Variants in LAMA1 observed in about 807,000 individuals in gnomAD.
LAMA1 encodes the protein laminin subunit alpha 1, also known as laminin subunit alpha-1.
LAMA1 carries 219 observed loss-of-function variants against 348.7 expected under a neutral mutation model. The ratio of observed to expected loss-of-function variants is 0.63; its 90% CI spans 0.56 to 0.70. The LOEUF is 0.70. Among genes scored for constraint, LAMA1 ranks in the 30% least tolerant of loss-of-function variants. LAMA1 has a pLI of 0.00. For missense variants in LAMA1, 3,744 were observed against 3,888.0 expected, an observed-to-expected ratio of 0.96 and a Z score of 0.99; for synonymous variants, 1,487 against 1,491.0, an observed-to-expected ratio of 1.00 and a Z score of 0.06.
intron 49 of LAMA1, chr18:6,965,671 G>A (rs7239613): frequency 0.046 from 24,701 of 541,662 alleles, 4,518 homozygotes; most frequent in African/African-American, 0.4. Context: ...AGTAAGAGAA[G>A]TGGAATCTCC....
chr18:7,072,224 G>A (rs898961), intron 3 of LAMA1, among the ~76,000 whole-genome samples: 3 of 152,038 alleles, frequency 2.0e-5, no homozygotes. Context: ...ATTAAGGCCT[G>A]GTTTAACATT....
chr18:7,078,413 G>T (rs1000214968), intron 3 of LAMA1, among the ~76,000 whole-genome samples: 1 of 151,632 alleles, frequency 6.6e-6, no homozygotes, highest in Admixed American at 6.6e-5. Flanking sequence ...TGATCCACCC[G>T]CCTTGGCCTC....
chr18:6,974,856 A>G, intron 46 of LAMA1, 47 bp downstream of exon 46: 2 of 1,610,810 alleles, frequency 1.2e-6, no homozygotes, highest in Non-Finnish European at 1.7e-6. Flanking sequence ...TACTTATGAG[A>G]CACACTTTAA....
chr18:6,982,444 C>A (rs538815), intron 41 of LAMA1, 53 bp downstream of exon 41: 2 of 1,449,268 alleles, frequency 1.4e-6, no homozygotes, highest in Admixed American at 1.7e-5. Context: ...GGCTGCTCAG[C>A]GAGACGCTCA....
At chr18:7,089,484 A>C (rs2058231112) in intron 1 of LAMA1, among the ~76,000 whole-genome samples, 1 of 152,210 alleles carries the variant, frequency 6.6e-6, no homozygotes, top group Non-Finnish European at 1.5e-5. Context: ...GATCCCGTGC[A>C]TCTCAGGAAC....
intron 43 of LAMA1, 46 bp downstream of exon 43, chr18:6,978,150 T>C (rs939601643): frequency 1.2e-6 from 2 of 1,610,630 alleles, no homozygotes; most frequent in African/African-American, 2.7e-5. Context: ...GCTCCACGTC[T>C]GCATGACGCA....
At chr18:6,969,247 G>A (rs951165801) in intron 48 of LAMA1, among the ~76,000 whole-genome samples, 6 of 151,830 alleles carry the variant, frequency 4.0e-5, no homozygotes, top group African/African-American at 7.3e-5. Context: ...GACTACAGGC[G>A]CACGCCACCA....
rs2057501663 is a variant in LAMA1, at chr18:6,942,214, G to A, written c.9093C>T (p.Arg3031=). The part of the protein sequence containing the change: ...YPAGVKQKCL[R]SQTSFRGCLR... ...AACACCCGCGGAACGAGGTCTGGCT[G>A]CGCAGGCATTTTTGCTTCACACCAG... Residue 3031 remains arginine, a synonymous_variant, in exon 63 of 63, where the codon CGC becomes CGT. Coordinates refer to ENST00000389658, the MANE Select transcript of LAMA1 (RefSeq NM_005559.4). 1 of 1,614,034 alleles carries A rather than the reference G, an allele frequency of 6.2e-7. No homozygotes were observed. Among genetic ancestry groups the A allele is most frequent in the Non-Finnish European group, 8.5e-7 (1 of 1,180,054 alleles).
rs573151414 is a variant in LAMA1 at position 7,063,289 on chromosome 18, TCTAA to T, written c.346-12357_346-12354del. Among the ~76,000 whole-genome samples, 538 of 152,310 alleles carry T rather than the reference TCTAA, an allele frequency of 3.5e-3. 8 individuals carry two copies. The highest frequency in any genetic ancestry group is 4.0e-3 in the Non-Finnish European group (271 of 68,036). ...TAGACACATCTAACTTCACTGAGTA[TCTAA>T]CTGACAAATCATAATATTTAAAGCT... On this transcript the variant is annotated intron_variant, in intron 3 of 62. Coordinates refer to ENST00000389658, the MANE Select transcript of LAMA1 (RefSeq NM_005559.4).
rs1372833133 is a variant in LAMA1, at chr18:6,974,944, A to T, written c.6582T>A (p.Phe2194Leu). ...SGSTRLEFPD[F>L]PIDDNRWHSI... ...TGTGCCATCTGTTGTCATCAATGGG[A>T]AAGTCTGGAAACTCCAAGCGTGTGG... Residue 2194 changes from phenylalanine (F) to leucine (L), a missense_variant, in exon 46 of 63, where the codon TTT becomes TTA. By Grantham distance (22) the Phe-to-Leu change is conservative. Around this residue, in one of 3 missense-constraint regions of LAMA1, gnomAD observed 1,983 missense variants for 1,934.3 expected, o/e 1.03. Coordinates refer to ENST00000389658, the MANE Select transcript of LAMA1 (RefSeq NM_005559.4). The T allele has an allele frequency of 2.5e-6, 4 of 1,614,086 alleles. No individual in the cohort carries two copies. In the South Asian group the frequency reaches 3.3e-5, roughly 13 times the overall value.
At chr18:7,083,558 A>G (rs140993632) in intron 1 of LAMA1, among the ~76,000 whole-genome samples, 8 of 152,318 alleles carry the variant, frequency 5.3e-5, no homozygotes, top group African/African-American at 1.9e-4. Context: ...ATACTTCATT[A>G]GCATGCCTAT....
intron 3 of LAMA1, among the ~76,000 whole-genome samples, chr18:7,053,417 G>A (rs988595781): frequency 3.3e-5 from 5 of 152,214 alleles, no homozygotes; most frequent in African/African-American, 1.2e-4. Flanking sequence ...AATAGTGGGA[G>A]CAACTGGAGG....
chr18:7,032,076 C>T lies in LAMA1; in HGVS notation c.2264G>A (p.Gly755Asp). ...HGHAAECNVH[G>D]VCIACAHNTT... ...CAGTGAGAGACTCACAATGCAAACG[C>T]CGTGAACATTACACTCAGCTGCATG... Residue 755 changes from glycine to aspartate, a missense_variant, in exon 16 of 63, where the codon GGC becomes GAC. Around this residue, in one of 3 missense-constraint regions of LAMA1, gnomAD observed 1,529 missense variants for 1,689.4 expected, o/e 0.91. Transcript: ENST00000389658. The T allele has an allele frequency of 6.2e-7, 1 of 1,613,962 alleles. No homozygotes were observed. Among genetic ancestry groups the T allele is most frequent in the Non-Finnish European group, 8.5e-7 (1 of 1,179,888 alleles).
Position 7,008,585 on chromosome 18 carries a change from A to G in LAMA1, c.4025T>C (p.Val1342Ala), listed in dbSNP as rs747342592. ...GTGCAGCTTTTCAGCCTTTCTGCCA[A>G]CCTCCATTGAAATGTCTGAGATTCT... ...QSRISDISME[V>A]GRKAEKLHPE... Residue 1342 changes from valine to alanine, a missense_variant, in exon 28 of 63, where the codon GTT becomes GCT. By Grantham distance (64) the Val-to-Ala change is moderately conservative. This residue lies in a region of LAMA1 where 1,983 missense variants were observed against 1,934.3 expected (regional missense o/e 1.03). Coordinates refer to ENST00000389658, the MANE Select transcript of LAMA1 (RefSeq NM_005559.4). 16 of 1,614,062 alleles carry G rather than the reference A, an allele frequency of 9.9e-6. No individual in the cohort carries two copies. Among genetic ancestry groups the G allele is most frequent in the Non-Finnish European group, 1.3e-5 (15 of 1,179,986 alleles).
Position 6,943,530 on chromosome 18 carries a change from A to G in LAMA1, c.8845-128T>C, listed in dbSNP as rs535614642. On this transcript the variant is annotated intron_variant, in intron 61 of 62. Coordinates refer to ENST00000389658, the MANE Select transcript of LAMA1 (RefSeq NM_005559.4). The stretch of plus-strand genomic sequence containing the variant: ...GAGCTAACTAGGAGAAACAGAAAAT[A>G]GTTTTGAAAAGTAACCTTTTAAAGG... 1.5e-3 allele frequency: 1,151 copies of G among 785,222 alleles called. 7 individuals carry two copies. Among genetic ancestry groups the G allele is most frequent in the Middle Eastern group, 0.014 (59 of 4,238 alleles). 48.6% of individuals were successfully genotyped at this position (785,222 alleles called of 1,614,324 possible).
intron 36 of LAMA1, 93 bp downstream of exon 36, chr18:6,992,468 C>A: frequency 7.0e-7 from 1 of 1,424,858 alleles, no homozygotes; most frequent in South Asian, 1.1e-5. Flanking sequence ...CCAGTGAGCA[C>A]TTTTCTTCCA....
Position 6,974,907 on chromosome 18 carries a change from C to A in LAMA1, c.6619G>T (p.Ala2207Ser). ...DDNRWHSIHV[A>S]RFGNIGSLSV... ...TGAGAGAACATTCTCTTCTACCTGG[C>A]TACATGGATACTGTGCCATCTGTTG... The change falls in exon 46 of 63, where the codon GCC becomes TCC. Residue 2207 changes from alanine (A) to serine (S), a missense_variant. Around this residue, in one of 3 missense-constraint regions of LAMA1, gnomAD observed 1,983 missense variants for 1,934.3 expected, o/e 1.03. Transcript: ENST00000389658. 1 of 1,614,148 alleles carries A rather than the reference C, an allele frequency of 6.2e-7. No homozygotes were observed. The highest frequency in any genetic ancestry group is 8.5e-7 in the Non-Finnish European group (1 of 1,180,028).
intron 5 of LAMA1, among the ~76,000 whole-genome samples, chr18:7,047,361 C>T (rs772026664): frequency 3.9e-5 from 6 of 152,090 alleles, no homozygotes; most frequent in Non-Finnish European, 8.8e-5. Flanking sequence ...CATTATTGAA[C>T]ATTGTTGAGC....
chr18:7,077,435 G>A (rs2058173920), intron 3 of LAMA1, among the ~76,000 whole-genome samples: 1 of 151,926 alleles, frequency 6.6e-6, no homozygotes, highest in South Asian at 2.1e-4. Flanking sequence ...TCGATCTCCT[G>A]ACCTCGTGAT....
Sources: gnomAD v4.1 joint callset for allele counts (sites outside exome capture counted in the v4.1 genomes callset) on GRCh38, gnomAD v4.1.1 for gene constraint, gnomAD v4.1.1 regional missense constraint, MANE v1.5 for transcripts, NCBI Gene and HGNC (gene_info 2026-07-23, HGNC 2026-07-21) for gene names.